Variants in PIP5K1B observed in about 807,000 individuals in gnomAD.
PIP5K1B encodes the protein phosphatidylinositol 4-phosphate 5-kinase type-1 beta.
PIP5K1B carries 42 observed loss-of-function variants against 67.0 expected under a neutral mutation model. That is an observed-to-expected ratio of 0.63 (90% CI 0.49 to 0.81). The LOEUF is 0.81. PIP5K1B is among the 30% of genes least tolerant of loss of function. The pLI, the probability that PIP5K1B is intolerant of heterozygous loss-of-function variation, is 0.00. For missense variants in PIP5K1B, 459 were observed against 646.3 expected (o/e 0.71, Z 3.14); for synonymous variants, 214 against 231.4 (o/e 0.92, Z 0.68).
intron 2 of PIP5K1B, among the ~76,000 whole-genome samples, chr9:68,799,301 A>T (rs1832463467): frequency 6.6e-6 from 1 of 152,220 alleles, no homozygotes. Flanking sequence ...GACTAATTTT[A>T]GGGTACACAA....
At chr9:68,852,849 C>A (rs1427626890) in intron 4 of PIP5K1B, among the ~76,000 whole-genome samples, 2 of 152,160 alleles carry the variant, frequency 1.3e-5, no homozygotes, top group Admixed American at 1.3e-4. Flanking sequence ...GAGACACTCA[C>A]TGTGGACTAG....
rs777775453 is a variant in PIP5K1B, at chr9:68,831,146, CAG to C, written c.69+8466_69+8467del. Among the ~76,000 whole-genome samples, 3 of 152,280 alleles carry C rather than the reference CAG, an allele frequency of 2.0e-5. No homozygotes were observed. In the East Asian group the frequency reaches 5.8e-4, roughly 29 times the overall value. Reference sequence around the variant, plus strand: ...GTAGGGAACATACCTTGTGCTTATTCAGAGTTTTTGCTGTTTTATGGAGTTAG... The same window carrying C: ...GTAGGGAACATACCTTGTGCTTATTCAGTTTTTGCTGTTTTATGGAGTTAG... On this transcript the variant is annotated intron_variant, in intron 4 of 15. Coordinates refer to ENST00000265382, the MANE Select transcript of PIP5K1B (RefSeq NM_003558.4).
At chr9:68,749,616 TA>T (rs1829517676) in intron 2 of PIP5K1B, among the ~76,000 whole-genome samples, 1 of 152,186 alleles carries the variant, frequency 6.6e-6, no homozygotes, top group South Asian at 2.1e-4. Context: ...GTTTTCCTCC[TA>T]AAAAGGACAG....
chr9:68,740,076 C>T (rs7043892), intron 1 of PIP5K1B, among the ~76,000 whole-genome samples: 66,572 of 151,972 alleles, frequency 0.44, 15,746 homozygotes, highest in African/African-American at 0.63. Context: ...CACCCTTTGC[C>T]TAGAAAGCAT....
chr9:68,811,471 T>G (rs1382081348), intron 2 of PIP5K1B, among the ~76,000 whole-genome samples: 1 of 152,098 alleles, frequency 6.6e-6, no homozygotes, highest in Non-Finnish European at 1.5e-5. Flanking sequence ...AACCAGGATG[T>G]TCTCCCCCAA....
intron 2 of PIP5K1B, among the ~76,000 whole-genome samples, chr9:68,790,088 A>G (rs1180720571): frequency 1.3e-5 from 2 of 152,190 alleles, no homozygotes; most frequent in Non-Finnish European, 2.9e-5. Context: ...TTTCCCCTAA[A>G]AAACTCTAAG....
chr9:68,712,652 A>G (rs1301944115), intron 1 of PIP5K1B, among the ~76,000 whole-genome samples: 1 of 152,214 alleles, frequency 6.6e-6, no homozygotes, highest in East Asian at 1.9e-4. Context: ...GACTGAGAGG[A>G]CAGTGCTTAC....
chr9:68,959,657 C>T (rs10117188), intron 14 of PIP5K1B, among the ~76,000 whole-genome samples: 35,222 of 152,006 alleles, frequency 0.23, 4,947 homozygotes, highest in East Asian at 0.52. Flanking sequence ...CATCATAATT[C>T]CTATTAGATT....
At chr9:68,745,563 A>C (rs969484585) in intron 2 of PIP5K1B, among the ~76,000 whole-genome samples, 2 of 152,254 alleles carry the variant, frequency 1.3e-5, no homozygotes, top group Admixed American at 1.3e-4. Flanking sequence ...ACAGCATAGA[A>C]AAGGCTCCTG....
At chr9:68,821,645 GAAAT>G (rs1256955472) in intron 3 of PIP5K1B, among the ~76,000 whole-genome samples, 3 of 152,152 alleles carry the variant, frequency 2.0e-5, no homozygotes, top group African/African-American at 7.2e-5. Flanking sequence ...TACTCTTCTG[GAAAT>G]AAATTTACCA....
intron 6 of PIP5K1B, among the ~76,000 whole-genome samples, chr9:68,884,991 G>A (rs150823169): frequency 4.1e-4 from 63 of 152,242 alleles, no homozygotes; most frequent in Middle Eastern, 3.4e-3. Flanking sequence ...TCAGTATGGC[G>A]AAGAGATGTC....
At chr9:68,963,319 A>G (rs1396474011) in intron 14 of PIP5K1B, 1 of 439,058 alleles carries the variant, frequency 2.3e-6, no homozygotes, top group Non-Finnish European at 4.6e-6. Context: ...CCTGGGCAAT[A>G]TGGTGAAACC....
intron 14 of PIP5K1B, among the ~76,000 whole-genome samples, chr9:68,987,189 T>C (rs534770567): frequency 1.1e-4 from 16 of 151,786 alleles, no homozygotes; most frequent in Non-Finnish European, 1.8e-4. Flanking sequence ...GAGGCGGAGG[T>C]TGCAGTGAAC....
chr9:68,811,272 T>C (rs1833148874), intron 2 of PIP5K1B, among the ~76,000 whole-genome samples: 1 of 152,208 alleles, frequency 6.6e-6, no homozygotes, highest in African/African-American at 2.4e-5. Flanking sequence ...CTTTCTGTTT[T>C]GTTTTATGGC....
intron 8 of PIP5K1B, among the ~76,000 whole-genome samples, chr9:68,909,150 C>T (rs1825745250): frequency 1.3e-5 from 2 of 152,182 alleles, no homozygotes; most frequent in Admixed American, 1.3e-4. Context: ...TTTATCTAAG[C>T]ATTTCAAAAT....
chr9:68,782,191 C>T (rs1831329184), intron 2 of PIP5K1B: 1 of 167,058 alleles, frequency 6.0e-6, no homozygotes, highest in African/African-American at 2.4e-5. Flanking sequence ...CTGACAGCAA[C>T]AACAGGACTG....
intron 8 of PIP5K1B, among the ~76,000 whole-genome samples, chr9:68,910,047 A>G (rs1825784504): frequency 6.6e-6 from 1 of 152,186 alleles, no homozygotes; most frequent in Non-Finnish European, 1.5e-5. Flanking sequence ...GATGTGTTCC[A>G]TCTTAGGGCC....
rs376913722 is a variant in PIP5K1B at position 68,863,963 on chromosome 9, C to T, written c.196C>T (p.Pro66Ser). 1.2e-6 allele frequency: 2 copies of T among 1,613,338 alleles called. No homozygotes were observed. The highest frequency in any genetic ancestry group is 4.5e-5 in the East Asian group (2 of 44,862). The change falls in exon 5 of 16, where the codon CCC becomes TCC. Residue 66 changes from proline to serine, a missense_variant. By Grantham distance (74) the Pro-to-Ser change is moderately conservative. Coordinates refer to ENST00000265382, the MANE Select transcript of PIP5K1B (RefSeq NM_003558.4). ...DFYVVESVFL[P>S]SEGSNLTPAH... ...TTATGTGGTGGAAAGTGTGTTCCTACCCAGGTAAGAACATTTTTATTTGTG... is the reference window on the plus strand; with the variant it reads ...TTATGTGGTGGAAAGTGTGTTCCTATCCAGGTAAGAACATTTTTATTTGTG...
At chr9:68,962,303 G>A (rs1828795469) in intron 14 of PIP5K1B, among the ~76,000 whole-genome samples, 1 of 152,012 alleles carries the variant, frequency 6.6e-6, no homozygotes, top group Non-Finnish European at 1.5e-5. Context: ...CCTAACTAAA[G>A]GCAGAAATGT....
Sources: gnomAD v4.1 joint callset for allele counts (sites outside exome capture counted in the v4.1 genomes callset) on GRCh38, gnomAD v4.1.1 for gene constraint, MANE v1.5 for transcripts, NCBI Gene and HGNC (gene_info 2026-07-23, HGNC 2026-07-21) for gene names.